TAFA2: variants seen among roughly 807,000 people sequenced by gnomAD.
TAFA2 encodes TAFA chemokine like family member 2, also known as chemokine-like protein TAFA-2.
In TAFA2, 7 loss-of-function variants were observed where a neutral mutation model predicts 18.8. That is an observed-to-expected ratio of 0.37 (90% CI 0.21 to 0.70). The LOEUF is 0.70. Ranked by LOEUF, TAFA2 falls within the 30% of genes least tolerant of loss-of-function variation. TAFA2 has a pLI of 0.53. For missense variants in TAFA2, 122 were observed against 158.1 expected (o/e 0.77, Z 1.23); for synonymous variants, 60 against 54.2 (o/e 1.11, Z -0.47).
chr12:62,145,944 A>T (rs1326082310), intron 1 of TAFA2, among the ~76,000 whole-genome samples: 1 of 152,222 alleles, frequency 6.6e-6, no homozygotes, highest in Non-Finnish European at 1.5e-5. Context: ...AAGCACAACT[A>T]TTCTTTGGTA....
At chr12:62,054,012 T>C (rs1043647390) in intron 1 of TAFA2, among the ~76,000 whole-genome samples, 2 of 152,192 alleles carry the variant, frequency 1.3e-5, no homozygotes, top group Non-Finnish European at 2.9e-5. Flanking sequence ...CTACAGGCTA[T>C]AGCTACATAA....
At chr12:61,862,258 A>T (rs556564525) in intron 2 of TAFA2, among the ~76,000 whole-genome samples, 1 of 152,002 alleles carries the variant, frequency 6.6e-6, no homozygotes, top group Non-Finnish European at 1.5e-5. Flanking sequence ...GCTCATTCTG[A>T]CTGGCTGTCA....
At chr12:62,059,018 G>A (rs1270500963) in intron 1 of TAFA2, among the ~76,000 whole-genome samples, 1 of 152,118 alleles carries the variant, frequency 6.6e-6, no homozygotes, top group Non-Finnish European at 1.5e-5. Flanking sequence ...CAGGAGAATG[G>A]CGGGAACCCG....
chr12:62,244,682 C>G (rs999736698), intron 1 of TAFA2, among the ~76,000 whole-genome samples: 1 of 152,074 alleles, frequency 6.6e-6, no homozygotes, highest in Non-Finnish European at 1.5e-5. Context: ...TCTATTTATA[C>G]TCCTATCAGC....
At chr12:62,025,178 T>C (rs1162436003) in intron 1 of TAFA2, among the ~76,000 whole-genome samples, 1 of 152,178 alleles carries the variant, frequency 6.6e-6, no homozygotes, top group Non-Finnish European at 1.5e-5. Context: ...ATGCATGTTT[T>C]CACTTATAAG....
intron 1 of TAFA2, among the ~76,000 whole-genome samples, chr12:62,060,335 G>A (rs1182968532): frequency 1.3e-5 from 2 of 152,128 alleles, no homozygotes; most frequent in African/African-American, 4.8e-5. Context: ...GATCATAATG[G>A]AGCTGAAAAT....
intron 1 of TAFA2, among the ~76,000 whole-genome samples, chr12:61,912,512 GAAGTT>G (rs1394709199): frequency 6.6e-6 from 1 of 152,082 alleles, no homozygotes; most frequent in Non-Finnish European, 1.5e-5. Flanking sequence ...TTCTAGAATA[GAAGTT>G]AAGTCATAAC....
intron 1 of TAFA2, among the ~76,000 whole-genome samples, chr12:62,051,729 A>G (rs1004559961): frequency 6.6e-6 from 1 of 151,838 alleles, no homozygotes; most frequent in Admixed American, 6.5e-5. Flanking sequence ...ACAGGTGTGC[A>G]TAGTGCCTGA....
At chr12:62,210,399 C>A (rs1392589759) in intron 1 of TAFA2, among the ~76,000 whole-genome samples, 2 of 152,108 alleles carry the variant, frequency 1.3e-5, no homozygotes, top group African/African-American at 4.8e-5. Flanking sequence ...GATTCCTTTA[C>A]AAATTTTTTG....
chr12:61,829,596 A>G (rs994919416), intron 2 of TAFA2, among the ~76,000 whole-genome samples: 27 of 151,724 alleles, frequency 1.8e-4, no homozygotes, highest in African/African-American at 6.5e-4. Context: ...AAAACAGCCA[A>G]AAAGTTAAAT....
chr12:61,869,643 A>C (rs1874508972), intron 1 of TAFA2, among the ~76,000 whole-genome samples: 1 of 152,184 alleles, frequency 6.6e-6, no homozygotes, highest in South Asian at 2.1e-4. Flanking sequence ...AGTGTAACAG[A>C]GCACACTAGT....
At chr12:61,872,400 G>A (rs994735163) in intron 1 of TAFA2, among the ~76,000 whole-genome samples, 1 of 151,986 alleles carries the variant, frequency 6.6e-6, no homozygotes, top group Non-Finnish European at 1.5e-5. Flanking sequence ...GACCTTAACA[G>A]ACAAATCTCG....
At chr12:61,758,365 A>G (rs1869373985) in intron 2 of TAFA2, among the ~76,000 whole-genome samples, 1 of 151,946 alleles carries the variant, frequency 6.6e-6, no homozygotes, top group Non-Finnish European at 1.5e-5. Context: ...GGAAAATGAC[A>G]ACACAGGAGA....
At chr12:62,131,903 A>T (rs1461835890) in intron 1 of TAFA2, among the ~76,000 whole-genome samples, 1 of 151,922 alleles carries the variant, frequency 6.6e-6, no homozygotes, top group Non-Finnish European at 1.5e-5. Context: ...GTTTCACTAG[A>T]AATTTAGTAT....
At chr12:62,120,763 T>C (rs1870155975) in intron 1 of TAFA2, among the ~76,000 whole-genome samples, 1 of 152,100 alleles carries the variant, frequency 6.6e-6, no homozygotes, top group African/African-American at 2.4e-5. Flanking sequence ...CTGCCTTTAC[T>C]CCAGAGTCTC....
chr12:62,123,781 T>TACACACACACACACACACACACACACAC (rs71083977), intron 1 of TAFA2, among the ~76,000 whole-genome samples: 93 of 132,912 alleles, frequency 7.0e-4, no homozygotes, highest in Middle Eastern at 3.8e-3. Flanking sequence ...ACCACACACA[T>TACACACACACACACACACACACACACAC]ACACACACAC....
chr12:62,215,193 A>G (rs1048932483), intron 1 of TAFA2, among the ~76,000 whole-genome samples: 5 of 152,206 alleles, frequency 3.3e-5, no homozygotes, highest in Non-Finnish European at 7.4e-5. Flanking sequence ...ACAAAAGTCA[A>G]TGTCTACTTG....
At chr12:61,993,662 A>T (rs991463046) in intron 1 of TAFA2, among the ~76,000 whole-genome samples, 9 of 152,176 alleles carry the variant, frequency 5.9e-5, no homozygotes, top group Non-Finnish European at 1.0e-4. Flanking sequence ...AGTCTCATAG[A>T]TCAGGATTTT....
chr12:61,942,112 G>C (rs532112798), intron 1 of TAFA2, among the ~76,000 whole-genome samples: 9 of 151,004 alleles, frequency 6.0e-5, no homozygotes, highest in Non-Finnish European at 8.8e-5. Context: ...ATCTGAGAAC[G>C]GGCAGACTGC....
Sources: allele counts gnomAD v4.1 joint callset (sites outside exome capture counted in the v4.1 genomes callset), GRCh38; gene constraint gnomAD v4.1.1; transcripts MANE v1.5; gene names NCBI Gene and HGNC (gene_info 2026-07-23, HGNC 2026-07-21).